SAMD5: variants seen among roughly 807,000 people sequenced by gnomAD.
SAMD5 encodes sterile alpha motif domain containing 5.
A neutral mutation model predicts 11.3 loss-of-function variants in SAMD5; 13 were observed. The ratio of observed to expected loss-of-function variants is 1.15; its 90% CI spans 0.75 to 1.83. The LOEUF is 1.83. SAMD5 is among the 40% of genes most tolerant of loss of function. The pLI is 0.00. For synonymous variants in SAMD5, 129 were observed against 111.3 expected (o/e 1.16, Z -1.00); for missense variants, 255 against 239.1 (o/e 1.07, Z -0.44).
chr6:147,948,290 A>AAC, the SAMD5 span, among the ~76,000 whole-genome samples: 100 of 151,890 alleles, frequency 6.6e-4, 1 homozygote, highest in African/African-American at 2.4e-3. Flanking sequence ...AAAAAAAAAA[A>AAC]ACACGAATCA....
chr6:147,626,972 G>A (rs752454239), intron 1 of SAMD5, among the ~76,000 whole-genome samples: 2 of 151,722 alleles, frequency 1.3e-5, no homozygotes, highest in Non-Finnish European at 2.9e-5. Context: ...CTTTCTCTAG[G>A]TCTTTACCAA....
chr6:147,921,181 T>C, the SAMD5 span, among the ~76,000 whole-genome samples: 1 of 151,042 alleles, frequency 6.6e-6, no homozygotes, highest in African/African-American at 2.4e-5. Context: ...GAAATTACAG[T>C]CAAACGGGAA....
intron 1 of SAMD5, among the ~76,000 whole-genome samples, chr6:147,518,381 G>T (rs1788204423): frequency 1.3e-5 from 2 of 152,142 alleles, no homozygotes; most frequent in Non-Finnish European, 2.9e-5. Flanking sequence ...CATGAACTTT[G>T]TCTGTTCTTC....
At chr6:147,578,871 T>C (rs1789255640) in intron 1 of SAMD5, among the ~76,000 whole-genome samples, 2 of 152,340 alleles carry the variant, frequency 1.3e-5, no homozygotes, top group South Asian at 4.1e-4. Context: ...AGACATGGGT[T>C]TGAATTTCAT....
chr6:147,628,516 G>A (rs4479953), intron 1 of SAMD5, among the ~76,000 whole-genome samples: 72,233 of 151,970 alleles, frequency 0.48, 17,633 homozygotes, highest in Middle Eastern at 0.57. Context: ...GATTACTGGA[G>A]TGATAGGGAG....
At chr6:147,764,782 C>T in the SAMD5 span, among the ~76,000 whole-genome samples, 1 of 152,112 alleles carries the variant, frequency 6.6e-6, no homozygotes, top group Non-Finnish European at 1.5e-5. Flanking sequence ...GTCACATGGC[C>T]TCATTTCTTT....
chr6:147,785,794 G>A, the SAMD5 span, among the ~76,000 whole-genome samples: 4 of 152,194 alleles, frequency 2.6e-5, no homozygotes, highest in Non-Finnish European at 1.5e-5. Context: ...AAATAACAAA[G>A]CATTGCCTAT....
chr6:147,591,900 C>T (rs909234298), intron 1 of SAMD5, among the ~76,000 whole-genome samples: 8 of 152,040 alleles, frequency 5.3e-5, no homozygotes, highest in South Asian at 2.1e-4. Flanking sequence ...GCTCAGGAGG[C>T]GGTTTCCCTC....
At chr6:147,749,889 A>C in the SAMD5 span, among the ~76,000 whole-genome samples, 2 of 152,338 alleles carry the variant, frequency 1.3e-5, no homozygotes, top group Admixed American at 6.5e-5. Context: ...AAAAGCAATG[A>C]AATGAGATTT....
the SAMD5 span, among the ~76,000 whole-genome samples, chr6:147,778,197 C>CTG: frequency 6.6e-6 from 1 of 152,156 alleles, no homozygotes; most frequent in African/African-American, 2.4e-5. Context: ...TCTTGTCTTC[C>CTG]AAACTTGTCA....
chr6:147,916,341 A>G, the SAMD5 span, among the ~76,000 whole-genome samples: 3 of 152,078 alleles, frequency 2.0e-5, no homozygotes, highest in South Asian at 6.2e-4. Flanking sequence ...GTCTTCCACA[A>G]TGGTTGAACT....
chr6:147,555,507 G>A (rs536555855), intron 1 of SAMD5, among the ~76,000 whole-genome samples: 2 of 152,330 alleles, frequency 1.3e-5, no homozygotes, highest in African/African-American at 4.8e-5. Flanking sequence ...GAGTTTGATA[G>A]TTTCATACTG....
At chr6:147,623,973 G>C (rs1019247991) in intron 1 of SAMD5, among the ~76,000 whole-genome samples, 1 of 152,006 alleles carries the variant, frequency 6.6e-6, no homozygotes, top group Non-Finnish European at 1.5e-5. Flanking sequence ...AGGTTCAAGC[G>C]ATTCTCCTGC....
At chr6:147,681,180 T>C (rs1364307506) in intron 1 of SAMD5, among the ~76,000 whole-genome samples, 1 of 152,190 alleles carries the variant, frequency 6.6e-6, no homozygotes, top group South Asian at 2.1e-4. Flanking sequence ...TTTAAATTAG[T>C]CTGTTTAACA....
chr6:147,768,081 A>G, the SAMD5 span, among the ~76,000 whole-genome samples: 1 of 152,330 alleles, frequency 6.6e-6, no homozygotes, highest in East Asian at 1.9e-4. Context: ...CTTTAAAATT[A>G]ACAATTCAAC....
At chr6:147,534,162 T>C (rs921111918) in intron 1 of SAMD5, among the ~76,000 whole-genome samples, 1 of 152,198 alleles carries the variant, frequency 6.6e-6, no homozygotes, top group African/African-American at 2.4e-5. Flanking sequence ...AACCCTGTGA[T>C]GCCATTAGCT....
the SAMD5 span, among the ~76,000 whole-genome samples, chr6:147,887,905 A>G: frequency 6.6e-6 from 1 of 152,176 alleles, no homozygotes; most frequent in Non-Finnish European, 1.5e-5. Flanking sequence ...TAATTTGTAT[A>G]TCCCTGATGA....
rs1225106734 is a variant in SAMD5 at position 147,568,795 on chromosome 6, TAA to T, written c.*4344_*4345del. 3 of 963,984 alleles carry T rather than the reference TAA, an allele frequency of 3.1e-6. No individual in the cohort carries two copies. In the African/African-American group the frequency reaches 5.3e-5, roughly 17 times the overall value. 59.7% of individuals were successfully genotyped at this position (963,984 alleles called of 1,614,324 possible). On this transcript the variant is annotated 3_prime_UTR_variant, in exon 2 of 2. Coordinates refer to ENST00000367474, the MANE Select transcript of SAMD5 (RefSeq NM_001030060.3). ...ATTTTACACTATCAGATTCTTTGAT[TAA>T]AAAATCATCTTCAGCTTTACATTAT... is the stretch of plus-strand genomic sequence containing the variant.
At chr6:147,918,729 G>C in the SAMD5 span, among the ~76,000 whole-genome samples, 1 of 129,144 alleles carries the variant, frequency 7.7e-6, no homozygotes, top group Admixed American at 8.9e-5. Flanking sequence ...ACAGAGTCTC[G>C]CTCTGTTGCC....
Sources: gnomAD v4.1 joint callset for allele counts (sites outside exome capture counted in the v4.1 genomes callset) on GRCh38, gnomAD v4.1.1 for gene constraint, MANE v1.5 for transcripts, NCBI Gene and HGNC (gene_info 2026-07-23, HGNC 2026-07-21) for gene names.